NUTM1: variants seen among roughly 807,000 people sequenced by gnomAD.
NUTM1 encodes the protein NUT midline carcinoma family member 1, also known as NUT family member 1.
A neutral mutation model predicts 88.7 loss-of-function variants in NUTM1; 39 were observed. The observed-to-expected ratio is 0.44, with a 90% CI of 0.34 to 0.57. The LOEUF (loss-of-function observed/expected upper bound fraction) is 0.57. NUTM1 is among the 20% of genes least tolerant of loss of function. The probability of loss-of-function intolerance (pLI) is 0.01; values close to 1 mark genes in which losing one functional copy is unlikely to be tolerated. For missense variants in NUTM1, 1,350 were observed against 1,414.5 expected (o/e 0.95, Z 0.73); for synonymous variants, 494 against 538.0 (o/e 0.92, Z 1.13).
chr15:34,345,154 T>TGAACCCCA, intron 1 of NUTM1, among the ~76,000 whole-genome samples: 1 of 152,314 alleles, frequency 6.6e-6, no homozygotes, highest in Non-Finnish European at 1.5e-5. Context: ...GAAGGCCTTT[T>TGAACCCCA]GGGGGAAATC....
At chr15:34,344,502 CAA>C (rs780145688) in intron 1 of NUTM1, among the ~76,000 whole-genome samples, 19,426 of 84,980 alleles carry the variant, frequency 0.23, 1,071 homozygotes, top group East Asian at 0.35. Flanking sequence ...GATCCTGTCT[CAA>C]AAAAAAAAAA....
intron 2 of NUTM1, among the ~76,000 whole-genome samples, chr15:34,347,619 C>G (rs986875336): frequency 6.6e-6 from 1 of 152,126 alleles, no homozygotes; most frequent in East Asian, 1.9e-4. Flanking sequence ...TTTGGGAGGC[C>G]GAAGCAGGCG....
intron 4 of NUTM1, among the ~76,000 whole-genome samples, chr15:34,351,919 C>T (rs1355845707): frequency 1.3e-5 from 2 of 151,506 alleles, no homozygotes; most frequent in Non-Finnish European, 2.9e-5. Context: ...CCTGTAATCC[C>T]AGCACTTTGG....
At chr15:34,353,042 C>T (rs908153239) in intron 4 of NUTM1, among the ~76,000 whole-genome samples, 2 of 151,510 alleles carry the variant, frequency 1.3e-5, no homozygotes. Flanking sequence ...CCCACCACCA[C>T]ATCAGGCTAA....
chr15:34,354,702 G>A lies in NUTM1; in HGVS notation c.1332G>A (p.Glu444=), dbSNP rs771181086. 21 of 1,614,088 alleles carry A rather than the reference G, an allele frequency of 1.3e-5. No homozygotes were observed. Among genetic ancestry groups the A allele is most frequent in the Non-Finnish European group, 1.8e-5 (21 of 1,180,034 alleles). ...PDPGLLSYIN[E]LCSQKVFVSK... The stretch of plus-strand genomic sequence containing the variant: ...CAGGTCTCCTGAGCTACATCAATGA[G>A]CTGTGTTCTCAGAAGGTCTTTGTCT... Residue 444 remains glutamate (E), a synonymous_variant, in exon 6 of 8, where the codon GAG becomes GAA. Transcript: ENST00000537011.
In NUTM1 at chr15:34,356,609, T is replaced by G. The variant is rs965898515; in HGVS notation, c.2601T>G (p.Gly867=). ...VGHPSDLWAE[G]CFPLLESGDS... is the part of the protein sequence containing the mutation. ...ATCCCAGTGATCTGTGGGCAGAAGG[T>G]TGCTTCCCATTGCTAGAAAGTGGTG... The change falls in exon 8 of 8, where the codon GGT becomes GGG. Residue 867 remains glycine (G), a synonymous_variant. Transcript: ENST00000537011. 27 of 1,613,738 alleles carry G rather than the reference T, an allele frequency of 1.7e-5. No individual in the cohort carries two copies. The highest frequency in any genetic ancestry group is 2.3e-5 in the Non-Finnish European group (27 of 1,179,968).
At chr15:34,351,028 G>C (rs1009838440) in intron 4 of NUTM1, among the ~76,000 whole-genome samples, 196 bp downstream of exon 4, 12 of 151,602 alleles carry the variant, frequency 7.9e-5, no homozygotes, top group African/African-American at 2.9e-4. Flanking sequence ...AGAACAGCCT[G>C]GCCAACATGG....
In NUTM1 at chr15:34,349,882, G is replaced by C. The variant is rs74010077; in HGVS notation, c.810-822G>C. ...ATCTTGAACCAATGTGGGCTCTCAAGGTTTGCATGGGATCCATTTGCTTTG... is the reference window on the plus strand; with the variant it reads ...ATCTTGAACCAATGTGGGCTCTCAACGTTTGCATGGGATCCATTTGCTTTG... On this transcript the variant is annotated intron_variant, in intron 3 of 7. Transcript: ENST00000537011. Among the ~76,000 whole-genome samples the C allele has an allele frequency of 1.8e-3, 268 of 152,320 alleles. 1 individual carries two copies. The highest frequency in any genetic ancestry group is 5.7e-3 in the African/African-American group (236 of 41,574).
In NUTM1 at chr15:34,348,539, C is replaced by T; in HGVS notation, c.671C>T (p.Ser224Phe). Reference protein sequence around the residue: ...TGEGGPVATLSKPSLGDRSKI... With the variant: ...TGEGGPVATLFKPSLGDRSKI... ...GAAGGAGGTCCTGTGGCCACTCTAT[C>T]CAAGCCTTCCCTAGGTGACCGCTCC... The change falls in exon 3 of 8, where the codon TCC becomes TTC. Residue 224 changes from serine to phenylalanine, a missense_variant. By Grantham distance (155) the Ser-to-Phe change is radical. Around this residue, in one of 5 missense-constraint regions of NUTM1, gnomAD observed 399 missense variants for 397.9 expected, o/e 1.00. Coordinates refer to ENST00000537011, the MANE Select transcript of NUTM1 (RefSeq NM_001284292.2). The T allele has an allele frequency of 1.2e-6, 2 of 1,614,096 alleles. No homozygotes were observed.
intron 4 of NUTM1, among the ~76,000 whole-genome samples, 153 bp from the exon 5 acceptor site, chr15:34,353,583 C>T (rs1051725839): frequency 2.0e-5 from 3 of 152,160 alleles, no homozygotes; most frequent in Non-Finnish European, 4.4e-5. Context: ...TACGATTAAG[C>T]CACCTGTGAC....
intron 2 of NUTM1, among the ~76,000 whole-genome samples, chr15:34,346,608 G>T: frequency 0.015 from 1 of 68 alleles, no homozygotes; most frequent in Non-Finnish European, 0.029. Context: ...TGGGCCGGGT[G>T]CGGTGGCTCA....
chr15:34,345,962 T>C lies in NUTM1; in HGVS notation c.27T>C (p.Pro9=), dbSNP rs1047125393. The part of the protein sequence containing the change: MVVTLGPG[P]DCLILEASRQ... The stretch of plus-strand genomic sequence containing the variant: ...GCCAGGTTACTCTGGGTCCTGGACC[T>C]GACTGCCTCATTCTGGAGGCTTCCA... The change falls in exon 2 of 8, where the codon CCT becomes CCC. Residue 9 remains proline, a synonymous_variant. Transcript: ENST00000537011. 6.2e-7 allele frequency: 1 copy of C among 1,614,160 alleles called. No individual in the cohort carries two copies. The highest frequency in any genetic ancestry group is 2.2e-5 in the East Asian group (1 of 44,886).
chr15:34,356,820 T>C lies in NUTM1; in HGVS notation c.2812T>C (p.Cys938Arg). ...CAACATACTAGATGTTAAAGATGACTGTGGCCTCCAACTAAGGGTCAGCGA... is the reference window on the plus strand; with the variant it reads ...CAACATACTAGATGTTAAAGATGACCGTGGCCTCCAACTAAGGGTCAGCGA... The part of the protein sequence containing the change: ...PVNILDVKDD[C>R]GLQLRVSEDT... The change falls in exon 8 of 8, where the codon TGT (cysteine) becomes CGT (arginine). Residue 938 changes from cysteine to arginine, a missense_variant. Transcript: ENST00000537011. 6.2e-7 allele frequency: 1 copy of C among 1,611,862 alleles called. No individual in the cohort carries two copies. The highest frequency in any genetic ancestry group is 1.1e-5 in the South Asian group (1 of 90,894).
At position 34,348,125 on chromosome 15, in the gene NUTM1, A is replaced by G. The variant is rs767668486; in HGVS notation, c.257A>G (p.Asp86Gly). The G allele has an allele frequency of 3.1e-6, 5 of 1,613,976 alleles. No individual in the cohort carries two copies. The highest frequency in any genetic ancestry group is 3.4e-6 in the Non-Finnish European group (4 of 1,180,036). The stretch of plus-strand genomic sequence containing the variant: ...ATCATGCCTTCAGTATTCTCTCCAG[A>G]CAACCCTCTGATGCTCTCTGCTTTC... The part of the protein sequence containing the change: ...QPIMPSVFSP[D>G]NPLMLSAFPS... The change falls in exon 3 of 8, where the codon GAC becomes GGC. Residue 86 changes from aspartate to glycine, a missense_variant. Asp to Gly is a moderately conservative substitution (Grantham distance 94). Transcript: ENST00000537011.
rs970741606 is a variant in NUTM1 at position 34,348,097 on chromosome 15, C to A, written c.229C>A (p.Pro77Thr). The change falls in exon 3 of 8, where the codon CCC becomes ACC. Residue 77 changes from proline (P) to threonine (T), a missense_variant. Transcript: ENST00000537011. ...CCCACCCAGGGAGCCACCTCCACAG[C>A]CCATCATGCCTTCAGTATTCTCTCC... The part of the protein sequence containing the change: ...DHPPREPPPQ[P>T]IMPSVFSPDN... 2 of 1,614,146 alleles carry A rather than the reference C, an allele frequency of 1.2e-6. No individual in the cohort carries two copies. The highest frequency in any genetic ancestry group is 1.7e-6 in the Non-Finnish European group (2 of 1,180,010).
chr15:34,347,684 T>C (rs1890620943), intron 2 of NUTM1, among the ~76,000 whole-genome samples: 1 of 152,044 alleles, frequency 6.6e-6, no homozygotes, highest in African/African-American at 2.4e-5. Flanking sequence ...AAACCCCGTC[T>C]CTATTAAAAA....
At position 34,356,074 on chromosome 15, in the gene NUTM1, G is replaced by C; in HGVS notation, c.2066G>C (p.Gly689Ala). The change falls in exon 8 of 8, where the codon GGA (glycine) becomes GCA (alanine). Residue 689 changes from glycine (G) to alanine (A), a missense_variant. Gly to Ala is a moderately conservative substitution (Grantham distance 60). Coordinates refer to ENST00000537011, the MANE Select transcript of NUTM1 (RefSeq NM_001284292.2). Reference sequence around the variant, plus strand: ...AAGCAAGTCCTGGGATTGCAGAAAGGACAACAAACAGGGGGTCGTGGAGTG... The same window carrying C: ...AAGCAAGTCCTGGGATTGCAGAAAGCACAACAAACAGGGGGTCGTGGAGTG... Reference protein sequence around the residue: ...LEKQVLGLQKGQQTGGRGVLP... With the variant: ...LEKQVLGLQKAQQTGGRGVLP... 1 of 1,613,992 alleles carries C rather than the reference G, an allele frequency of 6.2e-7. No homozygotes were observed.
chr15:34,355,122 A>G lies in NUTM1; in HGVS notation c.1464A>G (p.Gly488=), dbSNP rs201967487. The change falls in exon 7 of 8, where the codon GGA becomes GGG. Residue 488 remains glycine (G), a synonymous_variant. Coordinates refer to ENST00000537011, the MANE Select transcript of NUTM1 (RefSeq NM_001284292.2). This position sits in a 1 kb window ranked among gnomAD's most constrained non-coding sequence, Gnocchi z 4.3. ...ALIEELEQEE[G]LTLAQLVQKR... is the part of the protein sequence containing the mutation. ...TTGAGGAGCTAGAGCAAGAAGAAGG[A>G]CTCACTCTTGCCCAGGTAAAACTGG... is the stretch of plus-strand genomic sequence containing the variant. The G allele has an allele frequency of 1.2e-6, 2 of 1,606,966 alleles. No individual in the cohort carries two copies. Among genetic ancestry groups the G allele is most frequent in the African/African-American group, 1.3e-5 (1 of 74,872 alleles).
In NUTM1 at chr15:34,356,304, C is replaced by G. The variant is rs1322507383; in HGVS notation, c.2296C>G (p.Gln766Glu). 1.2e-6 allele frequency: 2 copies of G among 1,613,564 alleles called. No homozygotes were observed. Among genetic ancestry groups the G allele is most frequent in the Admixed American group, 1.7e-5 (1 of 59,924 alleles). ...MDAVGLELPV[Q>E]IEEVIESFQV... ...TGCTGTAGGCTTGGAGCTGCCTGTA[C>G]AAATAGAGGAGGTCATAGAGAGCTT... The change falls in exon 8 of 8, where the codon CAA (glutamine) becomes GAA (glutamate). Residue 766 changes from glutamine (Q) to glutamate (E), a missense_variant. By Grantham distance (29) the Gln-to-Glu change is conservative. This residue lies in a region of NUTM1 where 730 missense variants were observed against 728.8 expected (regional missense o/e 1.00). Transcript: ENST00000537011.
Sources: allele counts gnomAD v4.1 joint callset (sites outside exome capture counted in the v4.1 genomes callset), GRCh38; gene constraint gnomAD v4.1.1; regional missense constraint gnomAD v4.1.1; non-coding constraint Gnocchi (gnomAD v3.1); transcripts MANE v1.5; gene names NCBI Gene and HGNC (gene_info 2026-07-23, HGNC 2026-07-21).